The following DLG2 variants were observed in gnomAD, a reference collection of about 807,000 sequenced individuals.
The protein encoded by DLG2 is discs large MAGUK scaffold protein 2.
A neutral mutation model predicts 132.5 loss-of-function variants in DLG2; 45 were observed. The ratio of observed to expected loss-of-function variants is 0.34; its 90% CI spans 0.27 to 0.44. The LOEUF (loss-of-function observed/expected upper bound fraction) is 0.44. Ranked by LOEUF, DLG2 falls within the 20% of genes least tolerant of loss-of-function variation. DLG2 has a pLI of 1.00. For synonymous variants in DLG2, 424 were observed against 419.6 expected, an observed-to-expected ratio of 1.01 and a Z score of -0.13; for missense variants, 1,045 against 1,196.9, an observed-to-expected ratio of 0.87 and a Z score of 1.87.
chr11:84,764,941 A>G (rs1045199322), intron 6 of DLG2, among the ~76,000 whole-genome samples: 1 of 152,102 alleles, frequency 6.6e-6, no homozygotes, highest in Admixed American at 6.6e-5. Flanking sequence ...ATTTGACCCA[A>G]TAGGTGCTGG....
intron 11 of DLG2, among the ~76,000 whole-genome samples, chr11:83,986,607 T>C (rs1178977960): frequency 6.6e-6 from 1 of 151,814 alleles, no homozygotes; most frequent in Admixed American, 6.6e-5. Flanking sequence ...ATGGTATTTC[T>C]AGTTCTAGAT....
chr11:84,870,193 A>G lies in DLG2; in HGVS notation c.357+241468T>C, dbSNP rs532788731. ...GTGTGTCATTAGCATCATTTTATGCATAATATGAGTGAATTACATCACCCA... is the reference window on the plus strand; with the variant it reads ...GTGTGTCATTAGCATCATTTTATGCGTAATATGAGTGAATTACATCACCCA... On this transcript the variant is annotated intron_variant, in intron 6 of 27. Coordinates refer to ENST00000376104, the MANE Select transcript of DLG2 (RefSeq NM_001142699.3). Among the ~76,000 whole-genome samples, 105 of 152,352 alleles carry G rather than the reference A, an allele frequency of 6.9e-4. 1 individual carries two copies. Among genetic ancestry groups the G allele is most frequent in the Middle Eastern group, 6.8e-3 (2 of 294 alleles).
At chr11:85,198,929 T>C (rs1215964862) in intron 4 of DLG2, among the ~76,000 whole-genome samples, 2 of 152,174 alleles carry the variant, frequency 1.3e-5, no homozygotes, top group African/African-American at 2.4e-5. Context: ...TCCTCTGTTA[T>C]CCTAATTCAC....
At chr11:85,533,977 GGTTTTTT>G (rs1295346205) in intron 3 of DLG2, among the ~76,000 whole-genome samples, 3 of 152,068 alleles carry the variant, frequency 2.0e-5, no homozygotes, top group African/African-American at 7.2e-5. Context: ...GTTGCTCTCT[GGTTTTTT>G]GTTTTTTGTT....
intron 6 of DLG2, among the ~76,000 whole-genome samples, chr11:85,076,026 C>G (rs2066497527): frequency 2.6e-5 from 4 of 151,908 alleles, no homozygotes. Flanking sequence ...TTGATGATCT[C>G]AAGTCATCTG....
intron 6 of DLG2, chr11:84,546,560 T>G: frequency 1.5e-5 from 6 of 391,652 alleles, no homozygotes; most frequent in South Asian, 1.1e-4. Flanking sequence ...AACTAGTCTT[T>G]GAGAATCTCC....
chr11:83,743,114 G>T (rs764075994), intron 18 of DLG2, among the ~76,000 whole-genome samples: 1 of 152,146 alleles, frequency 6.6e-6, no homozygotes, highest in Non-Finnish European at 1.5e-5. Flanking sequence ...CTTAGGCCAG[G>T]TCATAGGTAG....
chr11:85,198,788 C>T (rs1006044099), intron 4 of DLG2, among the ~76,000 whole-genome samples: 3 of 152,160 alleles, frequency 2.0e-5, no homozygotes, highest in Admixed American at 1.3e-4. Context: ...TTACAACCAC[C>T]CCATCTTTCT....
chr11:84,928,644 A>T (rs1187769623), intron 6 of DLG2, among the ~76,000 whole-genome samples: 4 of 151,928 alleles, frequency 2.6e-5, no homozygotes, highest in Non-Finnish European at 5.9e-5. Flanking sequence ...CCAGTCAGCC[A>T]TAAAGAGGAT....
At chr11:85,472,735 A>G (rs2093025098) in intron 3 of DLG2, among the ~76,000 whole-genome samples, 1 of 152,244 alleles carries the variant, frequency 6.6e-6, no homozygotes, top group Non-Finnish European at 1.5e-5. Flanking sequence ...CTGTAACAGT[A>G]TAGCCCCCGT....
At chr11:84,275,236 A>C (rs1025677643) in intron 7 of DLG2, among the ~76,000 whole-genome samples, 1 of 152,200 alleles carries the variant, frequency 6.6e-6, no homozygotes, top group African/African-American at 2.4e-5. Context: ...GGGGAAAAAA[A>C]GGTAAAGAAT....
intron 21 of DLG2, among the ~76,000 whole-genome samples, chr11:83,511,105 C>A (rs1437609546): frequency 6.6e-6 from 1 of 151,122 alleles, no homozygotes; most frequent in African/African-American, 2.4e-5. Context: ...CACACACACA[C>A]ACACACACAT....
At chr11:84,158,071 G>GT (rs34592660) in intron 9 of DLG2, among the ~76,000 whole-genome samples, 63 of 147,372 alleles carry the variant, frequency 4.3e-4, no homozygotes, top group East Asian at 4.2e-3. Context: ...TGTTTTTTTG[G>GT]TTTTTTTTTT....
intron 6 of DLG2, among the ~76,000 whole-genome samples, chr11:84,734,169 G>C (rs1484940233): frequency 6.6e-6 from 1 of 152,098 alleles, no homozygotes; most frequent in Non-Finnish European, 1.5e-5. Flanking sequence ...TTCCAATTCT[G>C]TGAAGAAAGT....
intron 9 of DLG2, among the ~76,000 whole-genome samples, chr11:84,125,885 G>A (rs915730926): frequency 1.4e-4 from 22 of 152,156 alleles, no homozygotes; most frequent in Non-Finnish European, 2.5e-4. Context: ...GTGTGATTAT[G>A]GAGTAATATA....
intron 5 of DLG2, among the ~76,000 whole-genome samples, chr11:85,122,980 T>A (rs868367480): frequency 0.024 from 661 of 27,292 alleles, 2 homozygotes; most frequent in East Asian, 0.048. Context: ...TTTTTTTTTT[T>A]TTTTTTTTTT....
intron 17 of DLG2, among the ~76,000 whole-genome samples, chr11:83,816,876 A>G (rs779588621): frequency 3.9e-5 from 6 of 152,162 alleles, no homozygotes; most frequent in Non-Finnish European, 7.3e-5. Flanking sequence ...ATATTCTTCA[A>G]GTTTGGTTAG....
At chr11:85,500,512 G>T (rs1020372118) in intron 3 of DLG2, among the ~76,000 whole-genome samples, 1 of 140,108 alleles carries the variant, frequency 7.1e-6, no homozygotes, top group Admixed American at 6.9e-5. Flanking sequence ...TGCACAATGT[G>T]CACATGTACC....
chr11:85,009,270 G>A (rs139290700), intron 6 of DLG2, among the ~76,000 whole-genome samples: 1 of 152,096 alleles, frequency 6.6e-6, no homozygotes, highest in African/African-American at 2.4e-5. Flanking sequence ...TCAAGGAAAT[G>A]TTAAAATGAA....
Sources: gnomAD v4.1 joint callset for allele counts (sites outside exome capture counted in the v4.1 genomes callset) on GRCh38, gnomAD v4.1.1 for gene constraint, MANE v1.5 for transcripts, NCBI Gene and HGNC (gene_info 2026-07-23, HGNC 2026-07-21) for gene names.